The following TAB2 variants were observed in gnomAD, a reference collection of about 807,000 sequenced individuals.
TAB2 encodes the protein TGF-beta-activated kinase 1 and MAP3K7-binding protein 2.
Under a neutral mutation model 65.0 loss-of-function variants are expected in TAB2, and 3 were observed. The observed-to-expected ratio is 0.05, with a 90% confidence interval of 0.02 to 0.12. The LOEUF is 0.12. TAB2 is among the 10% of genes least tolerant of loss of function. The pLI is 1.00. For missense variants in TAB2, 623 were observed against 840.3 expected, an observed-to-expected ratio of 0.74 and a Z score of 3.20; for synonymous variants, 298 against 285.1, an observed-to-expected ratio of 1.05 and a Z score of -0.46.
At chr6:149,294,307 C>T (rs561079445) in intron 1 of TAB2, among the ~76,000 whole-genome samples, 4 of 152,160 alleles carry the variant, frequency 2.6e-5, no homozygotes, top group East Asian at 1.9e-4. Flanking sequence ...GTCTTCTCCC[C>T]GTATCTTCAC....
At chr6:149,388,349 A>G (rs1316285012) in intron 3 of TAB2, among the ~76,000 whole-genome samples, 1 of 152,222 alleles carries the variant, frequency 6.6e-6, no homozygotes, top group Non-Finnish European at 1.5e-5. Context: ...CTAATTCAGC[A>G]GGAACAGGGA....
At chr6:149,372,023 CAG>C (rs1781243382) in intron 2 of TAB2, among the ~76,000 whole-genome samples, 1 of 152,006 alleles carries the variant, frequency 6.6e-6, no homozygotes, top group Non-Finnish European at 1.5e-5. Flanking sequence ...AAAAAACTAA[CAG>C]AAAGATACTG....
intron 1 of TAB2, among the ~76,000 whole-genome samples, chr6:149,286,480 G>A (rs1010712333): frequency 6.6e-6 from 1 of 152,166 alleles, no homozygotes; most frequent in Non-Finnish European, 1.5e-5. Context: ...ATCTTTTGAA[G>A]CACTTCCACA....
chr6:149,301,548 G>A (rs1778973425), intron 1 of TAB2, among the ~76,000 whole-genome samples: 1 of 152,208 alleles, frequency 6.6e-6, no homozygotes, highest in South Asian at 2.1e-4. Context: ...AGAAAGCATA[G>A]TGGGGAGAAA....
intron 1 of TAB2, chr6:149,342,927 T>C (rs961068574): frequency 6.6e-6 from 1 of 152,198 alleles, no homozygotes; most frequent in Admixed American, 6.5e-5. Flanking sequence ...TCAAAACTTA[T>C]AGTCATCTTG....
chr6:149,392,121 A>T (rs1220589129), intron 3 of TAB2, among the ~76,000 whole-genome samples: 1 of 77,194 alleles, frequency 1.3e-5, no homozygotes, highest in Non-Finnish European at 2.4e-5. Flanking sequence ...TTCATATCAG[A>T]TTTTATTTTT....
intron 1 of TAB2, among the ~76,000 whole-genome samples, chr6:149,333,830 G>A (rs1460931594): frequency 6.6e-6 from 1 of 151,336 alleles, no homozygotes; most frequent in East Asian, 1.9e-4. Flanking sequence ...TCTTTCTCTG[G>A]TATTGTTGAC....
At chr6:149,220,348 A>G (rs934678000) in intron 1 of TAB2, among the ~76,000 whole-genome samples, 1 of 152,248 alleles carries the variant, frequency 6.6e-6, no homozygotes, top group Non-Finnish European at 1.5e-5. Context: ...AAATGGAATC[A>G]AATTCATTAT....
At chr6:149,369,830 T>C in intron 1 of TAB2, 79 bp from the exon 2 acceptor site, 1 of 639,962 alleles carries the variant, frequency 1.6e-6, no homozygotes, top group South Asian at 1.9e-5. Context: ...ACATATTCTT[T>C]TGTACTGAAA....
chr6:149,236,813 G>A lies in TAB2; in HGVS notation c.-121+18037G>A, dbSNP rs568659988. On this transcript the variant is annotated intron_variant, in intron 1 of 1. Coordinates refer to the TAB2 transcript ENST00000606202. Reference sequence around the variant, plus strand: ...CCTTGCATAAAAGGAGACAAGAGCTGTTTGAAGCCATTAACAGCATCAATA... The same window carrying A: ...CCTTGCATAAAAGGAGACAAGAGCTATTTGAAGCCATTAACAGCATCAATA... Among the ~76,000 whole-genome samples the A allele has an allele frequency of 4.7e-4, 72 of 152,262 alleles. 1 individual carries two copies. The highest frequency in any genetic ancestry group is 1.7e-3 in the African/African-American group (69 of 41,540).
upstream of TAB2, among the ~76,000 whole-genome samples, chr6:149,315,588 T>C (rs1779234429): frequency 1.3e-5 from 2 of 152,256 alleles, no homozygotes; most frequent in Admixed American, 1.3e-4. Flanking sequence ...ATCCCAATAA[T>C]GTCCTATATG....
chr6:149,319,238 A>G lies in TAB2; in HGVS notation c.-90+1223A>G, dbSNP rs556665443. Reference sequence around the variant, plus strand: ...GGGAATTTTAGTGGGCATGGAATAGAATATTTGCTTTCAGTTTTTTCACTT... The same window carrying G: ...GGGAATTTTAGTGGGCATGGAATAGGATATTTGCTTTCAGTTTTTTCACTT... On this transcript the variant is annotated intron_variant, in intron 1 of 6. Coordinates refer to ENST00000637181, the MANE Select transcript of TAB2 (RefSeq NM_001292034.3). Among the ~76,000 whole-genome samples the G allele has an allele frequency of 2.6e-5, 4 of 152,318 alleles. No individual in the cohort carries two copies. In the South Asian group the frequency reaches 8.3e-4, roughly 32 times the overall value.
intron 1 of TAB2, among the ~76,000 whole-genome samples, chr6:149,233,209 G>A (rs1777437283): frequency 6.6e-6 from 1 of 152,144 alleles, no homozygotes; most frequent in African/African-American, 2.4e-5. Flanking sequence ...AGAAACAAGG[G>A]CTTTCCAGCA....
intron 1 of TAB2, among the ~76,000 whole-genome samples, chr6:149,273,269 T>A (rs185533680): frequency 2.0e-5 from 3 of 152,276 alleles, no homozygotes; most frequent in Admixed American, 2.0e-4. Flanking sequence ...GTGAAATTGA[T>A]GAGCTCCTCT....
At position 149,386,590 on chromosome 6, in the gene TAB2, T is replaced by C. The variant is rs548857383; in HGVS notation, c.1603+7072T>C. On this transcript the variant is annotated intron_variant, in intron 3 of 6. Transcript: ENST00000637181. ...TATGGTATAGCAGCAACATGTTCTT[T>C]CCTTTTTATGGCCAAATATGCCATT... Among the ~76,000 whole-genome samples the C allele has an allele frequency of 2.0e-5, 3 of 152,386 alleles. No homozygotes were observed. The South Asian group carries it at 6.2e-4, about 32-fold the overall frequency.
chr6:149,357,332 C>T (rs1301289473), intron 1 of TAB2, among the ~76,000 whole-genome samples: 2 of 151,464 alleles, frequency 1.3e-5, no homozygotes, highest in African/African-American at 4.9e-5. Flanking sequence ...AGGAGAATCA[C>T]TTGAACCCAG....
At chr6:149,404,157 G>A (rs894894619) in intron 6 of TAB2, among the ~76,000 whole-genome samples, 2 of 152,160 alleles carry the variant, frequency 1.3e-5, no homozygotes, top group Non-Finnish European at 2.9e-5. Flanking sequence ...ATGTACAGAA[G>A]TCAATTGTGT....
intron 1 of TAB2, among the ~76,000 whole-genome samples, chr6:149,334,785 G>A (rs1411212803): frequency 6.6e-6 from 1 of 152,160 alleles, no homozygotes; most frequent in Non-Finnish European, 1.5e-5. Flanking sequence ...CATTGTGGTG[G>A]AAAAGAGAAA....
intron 2 of TAB2, among the ~76,000 whole-genome samples, chr6:149,375,639 ACT>A (rs1208452851): frequency 4.6e-5 from 7 of 152,068 alleles, no homozygotes; most frequent in East Asian, 1.9e-4. Flanking sequence ...AGGAAGATAA[ACT>A]CTCTGAGCTT....
Sources: gnomAD v4.1 joint callset for allele counts (sites outside exome capture counted in the v4.1 genomes callset) on GRCh38, gnomAD v4.1.1 for gene constraint, MANE v1.5 for transcripts, NCBI Gene and HGNC (gene_info 2026-07-23, HGNC 2026-07-21) for gene names.